The following PHF14 variants were observed in gnomAD, a reference collection of about 807,000 sequenced individuals.
PHF14 encodes PHD finger protein 14.
In PHF14, 55 loss-of-function variants were observed where a neutral mutation model predicts 117.9. That is an observed-to-expected ratio of 0.47 (90% CI 0.38 to 0.58). The LOEUF (loss-of-function observed/expected upper bound fraction) is 0.58, where lower values mean the gene tolerates loss of function less well. PHF14 is among the 20% of genes least tolerant of loss of function. PHF14 has a pLI of 0.00. For synonymous variants in PHF14, 409 were observed against 368.6 expected (o/e 1.11, Z -1.26); for missense variants, 978 against 1,122.2 (o/e 0.87, Z 1.84).
intron 14 of PHF14, among the ~76,000 whole-genome samples, chr7:11,055,725 C>G (rs892724126): frequency 3.9e-5 from 6 of 152,036 alleles, no homozygotes; most frequent in African/African-American, 1.4e-4. Flanking sequence ...CTAGAGCCTA[C>G]TTTTATTACA....
intron 5 of PHF14, among the ~76,000 whole-genome samples, chr7:11,016,165 ATTCT>A (rs1417889280): frequency 2.0e-5 from 3 of 152,088 alleles, no homozygotes; most frequent in Non-Finnish European, 4.4e-5. Context: ...TCTGGCAAAA[ATTCT>A]TTTATATACT....
intron 17 of PHF14, among the ~76,000 whole-genome samples, chr7:11,131,845 T>G (rs1482271538): frequency 1.3e-5 from 2 of 151,676 alleles, no homozygotes; most frequent in Non-Finnish European, 2.9e-5. Context: ...CTCTCTCTCA[T>G]TCTTTCTTTT....
At chr7:11,102,375 C>A (rs546354098) in intron 16 of PHF14, 3 of 1,125,326 alleles carry the variant, frequency 2.7e-6, no homozygotes, top group South Asian at 2.7e-5. Context: ...TGGACCAGAT[C>A]ATATGTTATT....
At chr7:11,065,851 A>G (rs941698536) in intron 16 of PHF14, among the ~76,000 whole-genome samples, 8 of 152,208 alleles carry the variant, frequency 5.3e-5, no homozygotes, top group African/African-American at 1.4e-4. Context: ...GAGAGAGAGA[A>G]GAAAGGTTTC....
Position 10,982,846 on chromosome 7 carries a change from C to G in PHF14, c.587C>G (p.Ser196Cys). 3 of 1,613,726 alleles carry G rather than the reference C, an allele frequency of 1.9e-6. No individual in the cohort carries two copies. Among genetic ancestry groups the G allele is most frequent in the South Asian group, 1.1e-5 (1 of 91,056 alleles). The change falls in exon 3 of 18, where the codon TCC becomes TGC. Residue 196 changes from serine (S) to cysteine (C), a missense_variant. By Grantham distance (112) the Ser-to-Cys change is moderately radical. Transcript: ENST00000634607. Reference protein sequence around the residue: ...RRNRPLLDFVSMEELNDMDDY... With the variant: ...RRNRPLLDFVCMEELNDMDDY... ...AACCGACCACTTCTGGATTTTGTGT[C>G]CATGGAAGAGCTGAATGACATGGAT...
chr7:11,047,135 CG>C (rs1266940015), intron 13 of PHF14, among the ~76,000 whole-genome samples: 1 of 151,316 alleles, frequency 6.6e-6, no homozygotes, highest in African/African-American at 2.4e-5. Flanking sequence ...GTGGCACAAT[CG>C]CAACTCACCG....
chr7:11,150,461 T>C (rs1027623571), intron 17 of PHF14, among the ~76,000 whole-genome samples: 1 of 152,060 alleles, frequency 6.6e-6, no homozygotes, highest in Non-Finnish European at 1.5e-5. Context: ...CCTGAACATA[T>C]GGCACATTAT....
intron 16 of PHF14, among the ~76,000 whole-genome samples, chr7:11,077,048 A>G (rs536170358): frequency 6.6e-6 from 1 of 152,018 alleles, no homozygotes; most frequent in Non-Finnish European, 1.5e-5. Context: ...ATTTAATACT[A>G]TCTATATTTA....
intron 16 of PHF14, among the ~76,000 whole-genome samples, chr7:11,092,911 T>C (rs566539123): frequency 3.9e-5 from 6 of 152,316 alleles, no homozygotes; most frequent in African/African-American, 1.2e-4. Flanking sequence ...GGTGTTTTTT[T>C]CCCCCTAATA....
intron 17 of PHF14, among the ~76,000 whole-genome samples, chr7:11,133,275 G>T (rs1359667857): frequency 6.6e-6 from 1 of 151,724 alleles, no homozygotes; most frequent in East Asian, 1.9e-4. Context: ...CAAAGTCAGA[G>T]GACTGACACT....
At chr7:11,042,934 C>T (rs1784544243) in intron 13 of PHF14, 120 bp downstream of exon 13, 1 of 680,190 alleles carries the variant, frequency 1.5e-6, no homozygotes, top group African/African-American at 1.9e-5. Flanking sequence ...AATTGACTGT[C>T]ATCAATATTT....
intron 5 of PHF14, among the ~76,000 whole-genome samples, chr7:11,021,755 A>G (rs1250323567): frequency 2.0e-5 from 3 of 152,162 alleles, no homozygotes; most frequent in African/African-American, 2.4e-5. Context: ...AAAACATTCT[A>G]TCAAGAAAAT....
At chr7:11,149,009 G>T (rs1788632552) in intron 17 of PHF14, among the ~76,000 whole-genome samples, 1 of 148,032 alleles carries the variant, frequency 6.8e-6, no homozygotes, top group African/African-American at 2.5e-5. Flanking sequence ...TTGAAATAGG[G>T]TTTTTTTTTT....
chr7:11,039,620 A>G (rs947268826), intron 11 of PHF14, among the ~76,000 whole-genome samples: 1 of 152,176 alleles, frequency 6.6e-6, no homozygotes, highest in African/African-American at 2.4e-5. Context: ...AGCTTTTCGA[A>G]CAGATATTTT....
chr7:11,149,159 T>TG (rs1455018393), intron 17 of PHF14, among the ~76,000 whole-genome samples: 1 of 152,042 alleles, frequency 6.6e-6, no homozygotes, highest in Non-Finnish European at 1.5e-5. Context: ...GTGCATTTTC[T>TG]GCTGTGCTCA....
At chr7:11,063,946 T>A (rs912255425) in intron 16 of PHF14, among the ~76,000 whole-genome samples, 1 of 151,946 alleles carries the variant, frequency 6.6e-6, no homozygotes, top group African/African-American at 2.4e-5. Flanking sequence ...TTTTTATTAC[T>A]CTAAAATAAT....
At chr7:11,160,946 T>C (rs1379123039) in intron 17 of PHF14, among the ~76,000 whole-genome samples, 1 of 152,194 alleles carries the variant, frequency 6.6e-6, no homozygotes, top group African/African-American at 2.4e-5. Flanking sequence ...TTTTTGGTTT[T>C]GTCGCAATTG....
At chr7:11,062,622 T>G (rs1183655104) in intron 16 of PHF14, 6 of 885,868 alleles carry the variant, frequency 6.8e-6, no homozygotes, top group Non-Finnish European at 8.1e-6. Context: ...TTTTTTGTTT[T>G]GTCTTTGTTT....
intron 16 of PHF14, chr7:11,106,149 C>G (rs1787253371): frequency 1.0e-6 from 1 of 982,236 alleles, no homozygotes; most frequent in Non-Finnish European, 1.2e-6. Context: ...TTTCTTGTTT[C>G]ACATTTAATC....
Sources: allele counts gnomAD v4.1 joint callset (sites outside exome capture counted in the v4.1 genomes callset), GRCh38; gene constraint gnomAD v4.1.1; transcripts MANE v1.5; gene names NCBI Gene and HGNC (gene_info 2026-07-23, HGNC 2026-07-21).